MAP3K5: variants seen among roughly 807,000 people sequenced by gnomAD.
MAP3K5 encodes mitogen-activated protein kinase kinase kinase 5, also known as ASK-1.
In MAP3K5, 56 loss-of-function variants were observed where a neutral mutation model predicts 158.7. The ratio of observed to expected loss-of-function variants is 0.35; its 90% CI spans 0.28 to 0.44. The LOEUF is 0.44. MAP3K5 is among the 20% of genes least tolerant of loss of function. The pLI is 1.00. For missense variants in MAP3K5, 1,294 were observed against 1,674.8 expected, an observed-to-expected ratio of 0.77 and a Z score of 3.97; for synonymous variants, 579 against 601.7, an observed-to-expected ratio of 0.96 and a Z score of 0.55.
Position 136,609,965 on chromosome 6 carries a change from A to AC in MAP3K5, c.2521+1316_2521+1317insG, listed in dbSNP as rs1338977751. On this transcript the variant is annotated intron_variant, in intron 18 of 29. Coordinates refer to ENST00000359015, the MANE Select transcript of MAP3K5 (RefSeq NM_005923.4). This position sits in a 1 kb window ranked among gnomAD's most constrained non-coding sequence, Gnocchi z 4.4. Reference sequence around the variant, plus strand: ...AAAACAAAAAACCAGTCTGAGTTCTATCCGGTACACACTGCTGTGACTTCT... The same window carrying AC: ...AAAACAAAAAACCAGTCTGAGTTCTACTCCGGTACACACTGCTGTGACTTCT... Among the ~76,000 whole-genome samples the AC allele has an allele frequency of 1.3e-5, 2 of 152,108 alleles. No individual in the cohort carries two copies. Among genetic ancestry groups the AC allele is most frequent in the East Asian group, 3.9e-4 (2 of 5,186 alleles).
At chr6:136,759,454 C>CTATATATA (rs570186848) in intron 1 of MAP3K5, among the ~76,000 whole-genome samples, 1,549 of 98,044 alleles carry the variant, frequency 0.016, 56 homozygotes, top group African/African-American at 0.04. Flanking sequence ...TATACTAAAA[C>CTATATATA]TATATATATA....
At chr6:136,738,946 A>G (rs978319838) in intron 1 of MAP3K5, among the ~76,000 whole-genome samples, 4 of 52,862 alleles carry the variant, frequency 7.6e-5, no homozygotes, top group African/African-American at 1.5e-4. Context: ...ACGCGTGCAC[A>G]CACACACACA....
intron 25 of MAP3K5, among the ~76,000 whole-genome samples, chr6:136,571,094 C>T (rs992746448): frequency 7.9e-5 from 12 of 152,130 alleles, no homozygotes; most frequent in Admixed American, 2.0e-4. Flanking sequence ...TCAAATGGTG[C>T]TTTTTCCAAG....
intron 21 of MAP3K5, among the ~76,000 whole-genome samples, chr6:136,595,852 A>C (rs913215506): frequency 2.0e-5 from 3 of 152,154 alleles, no homozygotes; most frequent in African/African-American, 4.8e-5. Context: ...TCTACTAAAA[A>C]TACAAAAATT....
chr6:136,790,145 A>G (rs188962209), intron 1 of MAP3K5, among the ~76,000 whole-genome samples: 69 of 152,340 alleles, frequency 4.5e-4, no homozygotes, highest in Non-Finnish European at 8.2e-4. Flanking sequence ...ATTCAATGAA[A>G]TACACTCAAA....
chr6:136,668,489 T>C (rs1779325387), intron 8 of MAP3K5, among the ~76,000 whole-genome samples: 3 of 152,206 alleles, frequency 2.0e-5, no homozygotes, highest in Admixed American at 2.0e-4. Flanking sequence ...GGCTGAATAT[T>C]TCTATGTCTG....
At chr6:136,666,863 C>T (rs1342004993) in intron 8 of MAP3K5, among the ~76,000 whole-genome samples, 1 of 152,100 alleles carries the variant, frequency 6.6e-6, no homozygotes, top group Non-Finnish European at 1.5e-5. Flanking sequence ...CACTGATAAG[C>T]CATATTTTAA....
At position 136,672,989 on chromosome 6, in the gene MAP3K5, C is replaced by CAA. The variant is rs538682132; in HGVS notation, c.1254-3596_1254-3595dup. Among the ~76,000 whole-genome samples the CAA allele has an allele frequency of 6.6e-3, 553 of 83,936 alleles. 7 individuals are homozygous for CAA. Among genetic ancestry groups the CAA allele is most frequent in the Middle Eastern group, 0.025 (4 of 160 alleles). 55.1% of individuals were successfully genotyped at this position (83,936 alleles called of 152,430 possible). A position where few individuals can be genotyped will look rare whatever the true frequency, so the allele number is the denominator to read the frequency against. On this transcript the variant is annotated intron_variant, in intron 7 of 29. Transcript: ENST00000359015. ...TGGGCAACAGAGAAAGACTCTATCT[C>CAA]AAAAAAAAAAAAAAAAGAAAAAGAA...
In MAP3K5 at chr6:136,583,676, A is replaced by G; in HGVS notation, c.3290T>C (p.Phe1097Ser). 1 of 1,614,186 alleles carries G rather than the reference A, an allele frequency of 6.2e-7. No individual in the cohort carries two copies. Among genetic ancestry groups the G allele is most frequent in the Non-Finnish European group, 8.5e-7 (1 of 1,180,022 alleles). ...GATTTTTCGGTCAGTGGATCTCACAAATTCTCTGAGGCTTGCAATGAGGGT... is the reference window on the plus strand; with the variant it reads ...GATTTTTCGGTCAGTGGATCTCACAGATTCTCTGAGGCTTGCAATGAGGGT... ...ITTLIASLREFVRSTDRKIIA... is the reference protein window; with the variant it reads ...ITTLIASLRESVRSTDRKIIA... Residue 1097 changes from phenylalanine to serine, a missense_variant, in exon 24 of 30, where the codon TTT (phenylalanine) becomes TCT (serine). Physicochemically the swap from Phe to Ser is radical, Grantham distance 155. Transcript: ENST00000359015.
chr6:136,762,537 G>A (rs1051135439), intron 1 of MAP3K5, among the ~76,000 whole-genome samples: 11 of 152,124 alleles, frequency 7.2e-5, no homozygotes, highest in African/African-American at 2.7e-4. Flanking sequence ...GAGGGTAAGG[G>A]GGGAAGAGAG....
At chr6:136,724,922 T>C (rs1054642952) in intron 1 of MAP3K5, among the ~76,000 whole-genome samples, 2 of 152,164 alleles carry the variant, frequency 1.3e-5, no homozygotes, top group Non-Finnish European at 1.5e-5. Context: ...TGCTGCCCTT[T>C]TGAGGTTAGT....
chr6:136,730,338 G>C (rs1782166671), intron 1 of MAP3K5, among the ~76,000 whole-genome samples: 1 of 151,408 alleles, frequency 6.6e-6, no homozygotes, highest in Admixed American at 6.6e-5. Flanking sequence ...GTTCATATTG[G>C]AACACACTAA....
chr6:136,750,233 A>G (rs1338479241), intron 1 of MAP3K5, among the ~76,000 whole-genome samples: 3 of 152,150 alleles, frequency 2.0e-5, no homozygotes, highest in Non-Finnish European at 4.4e-5. Flanking sequence ...GTGCACGAGC[A>G]CGCCTGGCTA....
chr6:136,661,558 G>A (rs986869463), intron 8 of MAP3K5, among the ~76,000 whole-genome samples: 5 of 151,896 alleles, frequency 3.3e-5, no homozygotes, highest in African/African-American at 9.7e-5. Context: ...ACCACACCTA[G>A]CTAAATTTTG....
chr6:136,675,352 C>T (rs1055433209), intron 7 of MAP3K5, among the ~76,000 whole-genome samples: 2 of 152,072 alleles, frequency 1.3e-5, no homozygotes, highest in African/African-American at 4.8e-5. Flanking sequence ...AACTGACTTA[C>T]CTGGAACACT....
chr6:136,770,692 G>T (rs1784162481), intron 1 of MAP3K5, among the ~76,000 whole-genome samples: 1 of 152,182 alleles, frequency 6.6e-6, no homozygotes, highest in East Asian at 1.9e-4. Flanking sequence ...AGAAATTCGA[G>T]GCCGCAGTGA....
intron 2 of MAP3K5, among the ~76,000 whole-genome samples, chr6:136,719,991 C>T (rs545494636): frequency 6.6e-6 from 1 of 152,218 alleles, no homozygotes; most frequent in African/African-American, 2.4e-5. Flanking sequence ...CTCCTTTTCT[C>T]CCATCTTAGT....
intron 9 of MAP3K5, among the ~76,000 whole-genome samples, chr6:136,657,807 C>T (rs1212489996): frequency 6.6e-6 from 1 of 152,116 alleles, no homozygotes; most frequent in Non-Finnish European, 1.5e-5. Flanking sequence ...ATGCTCAGCA[C>T]GTGCTCAGAC....
intron 21 of MAP3K5, 124 bp from the exon 22 acceptor site, chr6:136,592,738 T>C (rs964940562): frequency 3.5e-6 from 3 of 860,516 alleles, no homozygotes; most frequent in African/African-American, 3.3e-5. Context: ...AGCATAATTA[T>C]GCTATGTAAG....
Sources: gnomAD v4.1 joint callset for allele counts (sites outside exome capture counted in the v4.1 genomes callset) on GRCh38, gnomAD v4.1.1 for gene constraint, Gnocchi (gnomAD v3.1) non-coding constraint, MANE v1.5 for transcripts, NCBI Gene and HGNC (gene_info 2026-07-23, HGNC 2026-07-21) for gene names.